The following VWF variants were observed in gnomAD, a reference collection of about 807,000 sequenced individuals.
The protein encoded by VWF is Factor VIII related antigen.
Under a neutral mutation model 308.6 loss-of-function variants are expected in VWF, and 176 were observed. The observed-to-expected ratio is 0.57, with a 90% CI of 0.50 to 0.65. The LOEUF is 0.65. Ranked by LOEUF, VWF falls within the 30% of genes least tolerant of loss-of-function variation. The pLI is 0.00. For missense variants in VWF, 3,146 were observed against 3,648.2 expected (o/e 0.86, Z 3.55); for synonymous variants, 1,385 against 1,443.4 (o/e 0.96, Z 0.92).
chr12:6,080,651 G>A (rs372641491), intron 6 of VWF, among the ~76,000 whole-genome samples: 50 of 152,312 alleles, frequency 3.3e-4, no homozygotes, highest in Middle Eastern at 3.4e-3. Flanking sequence ...CAGTCTTGCC[G>A]ACAGATTCCC....
Position 6,065,122 on chromosome 12 carries a change from G to A in VWF, c.1293+15C>T. 3.1e-6 allele frequency: 5 copies of A among 1,614,120 alleles called. No homozygotes were observed. Among genetic ancestry groups the A allele is most frequent in the Non-Finnish European group, 2.5e-6 (3 of 1,180,032 alleles). ...GGGCTACCACCCGACCAGCAGCCGG[G>A]CTGGCAAAGCTCACCTGGACAGTCT... On this transcript the variant is annotated intron_variant, in intron 11 of 51. Coordinates refer to ENST00000261405, the MANE Select transcript of VWF (RefSeq NM_000552.5).
chr12:6,115,878 A>G (rs1287298026), intron 3 of VWF, among the ~76,000 whole-genome samples: 1 of 152,106 alleles, frequency 6.6e-6, no homozygotes, highest in Non-Finnish European at 1.5e-5. Context: ...CCGACTGAGA[A>G]CCCCTGGTTT....
Position 6,021,997 on chromosome 12 carries a change from G to C in VWF, c.3577C>G (p.Pro1193Ala). 6.2e-7 allele frequency: 1 copy of C among 1,614,104 alleles called. No homozygotes were observed. The highest frequency in any genetic ancestry group is 8.5e-7 in the Non-Finnish European group (1 of 1,180,018). The change falls in exon 27 of 52, where the codon CCT becomes GCT. Residue 1193 changes from proline to alanine, a missense_variant. Pro to Ala is a conservative substitution (Grantham distance 27). Coordinates refer to ENST00000261405, the MANE Select transcript of VWF (RefSeq NM_000552.5). ...LDELLQTCVD[P>A]EDCPVCEVAG... Reference sequence around the variant, plus strand: ...ACCTCACACACTGGACAGTCTTCAGGGTCAACGCAGGTCTGCAAAAGCTCA... The same window carrying C: ...ACCTCACACACTGGACAGTCTTCAGCGTCAACGCAGGTCTGCAAAAGCTCA...
chr12:6,083,079 A>G (rs1944931704), intron 6 of VWF, among the ~76,000 whole-genome samples: 1 of 152,124 alleles, frequency 6.6e-6, no homozygotes, highest in South Asian at 2.1e-4. Flanking sequence ...GCGTGATCTC[A>G]GCTCAATGCA....
chr12:5,991,788 C>T (rs369081849), intron 38 of VWF, 31 bp downstream of exon 38: 127 of 1,611,522 alleles, frequency 7.9e-5, no homozygotes, highest in African/African-American at 5.9e-4. Context: ...GGGAAGCAGC[C>T]CCATGGGAAG....
Position 6,019,165 on chromosome 12 carries a change from G to A in VWF, c.4253C>T (p.Pro1418Leu). ...KVIVIPVGIG[P>L]HANLKQIRLI... Reference sequence around the variant, plus strand: ...GCGGATCTGCTTGAGGTTGGCATGGGGCCCAATGCCCACCGGGATCACAAT... The same window carrying A: ...GCGGATCTGCTTGAGGTTGGCATGGAGCCCAATGCCCACCGGGATCACAAT... Residue 1418 changes from proline to leucine, a missense_variant, in exon 28 of 52, where the codon CCC becomes CTC. Transcript: ENST00000261405. This position sits in a 1 kb window ranked among gnomAD's most constrained non-coding sequence, Gnocchi z 5.8. The A allele has an allele frequency of 1.2e-6, 2 of 1,613,952 alleles. No individual in the cohort carries two copies. Among genetic ancestry groups the A allele is most frequent in the Non-Finnish European group, 1.7e-6 (2 of 1,179,872 alleles).
At chr12:5,979,784 G>A (rs573611380) in intron 42 of VWF, among the ~76,000 whole-genome samples, 66 of 151,140 alleles carry the variant, frequency 4.4e-4, no homozygotes, top group African/African-American at 1.6e-3. Context: ...GTTCATGCCA[G>A]TAATCCCAGC....
chr12:6,042,646 G>A (rs1944407930), intron 18 of VWF, among the ~76,000 whole-genome samples: 1 of 152,190 alleles, frequency 6.6e-6, no homozygotes, highest in Non-Finnish European at 1.5e-5. Flanking sequence ...CACGTGACAG[G>A]TATCCAAGTG....
intron 34 of VWF, among the ~76,000 whole-genome samples, chr12:5,997,285 A>G (rs1310243305): frequency 1.3e-5 from 2 of 152,210 alleles, no homozygotes; most frequent in Non-Finnish European, 2.9e-5. Context: ...TCCATGCTGC[A>G]AGTGATCCCC....
intron 28 of VWF, among the ~76,000 whole-genome samples, chr12:6,018,086 T>C (rs1944082894): frequency 6.6e-6 from 1 of 151,380 alleles, no homozygotes; most frequent in South Asian, 2.1e-4. Flanking sequence ...TACTCCTTAT[T>C]GGCATTGTTT....
intron 7 of VWF, 76 bp from the exon 8 acceptor site, chr12:6,073,817 T>C: frequency 6.2e-7 from 1 of 1,603,354 alleles, no homozygotes; most frequent in South Asian, 1.1e-5. Flanking sequence ...TGCCACAGCC[T>C]GAGCCTCTCG....
chr12:6,078,010 G>A (rs554787213), intron 6 of VWF, among the ~76,000 whole-genome samples: 6 of 152,042 alleles, frequency 3.9e-5, no homozygotes, highest in South Asian at 2.1e-4. Flanking sequence ...ATATGCACGC[G>A]GAAGACTTAC....
chr12:6,032,296 C>T (rs183672342), intron 20 of VWF, among the ~76,000 whole-genome samples: 201 of 151,666 alleles, frequency 1.3e-3, no homozygotes, highest in Middle Eastern at 0.01. Context: ...CCACTGCACT[C>T]CAGCCTGGTG....
At chr12:6,014,280 G>A (rs1279629081) in intron 31 of VWF, among the ~76,000 whole-genome samples, 1 of 152,170 alleles carries the variant, frequency 6.6e-6, no homozygotes, top group Non-Finnish European at 1.5e-5. Flanking sequence ...ACCATGTTCT[G>A]TGAATGAAAC....
Position 5,981,990 on chromosome 12 carries a change from G to A in VWF, c.7083C>T (p.Ala2361=), listed in dbSNP as rs557817663. 1 of 1,613,350 alleles carries A rather than the reference G, an allele frequency of 6.2e-7. No homozygotes were observed. Among genetic ancestry groups the A allele is most frequent in the African/African-American group, 1.3e-5 (1 of 74,868 alleles). The part of the protein sequence containing the change: ...PGECRPNFTC[A]CRKEECKRVS... ...CTCTTTTGCACTCCTCCTTCCTGCA[G>A]GCTGAGGGTAGGACAAGGCCACACT... is the stretch of plus-strand genomic sequence containing the variant. The change falls in exon 42 of 52, where the codon GCC becomes GCT. Residue 2361 remains alanine (A), a splice_region_variant and synonymous_variant. Transcript: ENST00000261405.
At chr12:6,124,128 G>A (rs1710042830) in intron 1 of VWF, among the ~76,000 whole-genome samples, 1 of 152,104 alleles carries the variant, frequency 6.6e-6, no homozygotes, top group African/African-American at 2.4e-5. Flanking sequence ...TAACACGCAG[G>A]TACATTCAGC....
In VWF at chr12:6,110,368, T is replaced by C. The variant is rs764878082; in HGVS notation, c.532+6A>G. 3.7e-6 allele frequency: 6 copies of C among 1,613,986 alleles called. No homozygotes were observed. In the South Asian group the frequency reaches 6.6e-5, roughly 18 times the overall value. On this transcript the variant is annotated splice_donor_region_variant and intron_variant, in intron 5 of 51. Coordinates refer to ENST00000261405, the MANE Select transcript of VWF (RefSeq NM_000552.5). Reference sequence around the variant, plus strand: ...TTTAGGGAAATGGTATCCCAGAACATCTTACCTTCTTGGGTCATAAAGTCA... The same window carrying C: ...TTTAGGGAAATGGTATCCCAGAACACCTTACCTTCTTGGGTCATAAAGTCA...
At chr12:5,964,008 C>T (rs576883378) in intron 47 of VWF, among the ~76,000 whole-genome samples, 22 of 151,668 alleles carry the variant, frequency 1.5e-4, no homozygotes, top group Non-Finnish European at 2.2e-4. Context: ...GAGATTGAGA[C>T]CATTCTGGTT....
chr12:6,113,447 G>A (rs1037584426), intron 3 of VWF, among the ~76,000 whole-genome samples: 5 of 151,738 alleles, frequency 3.3e-5, no homozygotes, highest in South Asian at 2.1e-4. Flanking sequence ...ACAGGTGCCC[G>A]CCACCATGCC....
Sources: allele counts gnomAD v4.1 joint callset (sites outside exome capture counted in the v4.1 genomes callset), GRCh38; gene constraint gnomAD v4.1.1; non-coding constraint Gnocchi (gnomAD v3.1); transcripts MANE v1.5; gene names NCBI Gene and HGNC (gene_info 2026-07-23, HGNC 2026-07-21).